The following EEFSEC variants were observed in gnomAD, a reference collection of about 807,000 sequenced individuals.
The protein encoded by EEFSEC is selenocysteine-specific elongation factor.
Under a neutral mutation model 42.1 loss-of-function variants are expected in EEFSEC, and 43 were observed. That is an observed-to-expected ratio of 1.02 (90% CI 0.80 to 1.32). The LOEUF is 1.32. EEFSEC is among the 40% of genes most tolerant of loss of function. EEFSEC has a pLI of 0.00. For missense variants in EEFSEC, 745 were observed against 803.6 expected, an observed-to-expected ratio of 0.93 and a Z score of 0.88; for synonymous variants, 354 against 339.1, an observed-to-expected ratio of 1.04 and a Z score of -0.48.
At chr3:128,363,363 C>T (rs1303016310) in intron 6 of EEFSEC, among the ~76,000 whole-genome samples, 7 of 152,246 alleles carry the variant, frequency 4.6e-5, no homozygotes, top group Non-Finnish European at 4.4e-5. Flanking sequence ...ACCTGAGATT[C>T]GAACCCAGAG....
chr3:128,315,910 G>T (rs1034241676), intron 4 of EEFSEC, among the ~76,000 whole-genome samples: 1 of 152,082 alleles, frequency 6.6e-6, no homozygotes, highest in Non-Finnish European at 1.5e-5. Context: ...GATGCATTCT[G>T]GTACCACTGT....
intron 1 of EEFSEC, among the ~76,000 whole-genome samples, chr3:128,179,400 G>A (rs1261592880): frequency 1.3e-5 from 2 of 152,102 alleles, no homozygotes; most frequent in Admixed American, 6.5e-5. Context: ...GTAGGCATTC[G>A]CATTGGCTAG....
chr3:128,411,073 C>T (rs1193683288), downstream of EEFSEC, among the ~76,000 whole-genome samples: 2 of 152,234 alleles, frequency 1.3e-5, no homozygotes, highest in Non-Finnish European at 2.9e-5. Context: ...GGCCCGGCAT[C>T]GGTGGAAACC....
intron 5 of EEFSEC, among the ~76,000 whole-genome samples, chr3:128,343,942 T>G (rs540300463): frequency 1.3e-5 from 2 of 152,328 alleles, no homozygotes; most frequent in African/African-American, 4.8e-5. Context: ...AGAGACAGGC[T>G]TCCTCCAACC....
At chr3:128,302,280 AATATT>A (rs2066777560) in intron 4 of EEFSEC, among the ~76,000 whole-genome samples, 1 of 152,142 alleles carries the variant, frequency 6.6e-6, no homozygotes, top group Admixed American at 6.5e-5. Flanking sequence ...TATCACTTAT[AATATT>A]AGTGTGCATT....
intron 3 of EEFSEC, among the ~76,000 whole-genome samples, chr3:128,263,419 G>T (rs190796164): frequency 6.6e-6 from 1 of 152,354 alleles, no homozygotes; most frequent in African/African-American, 2.4e-5. Flanking sequence ...TGATTTACAC[G>T]TGCTGATCTT....
Position 128,234,025 on chromosome 3 carries a change from TTTTATTTA to T in EEFSEC, c.317-12786_317-12779del, listed in dbSNP as rs58135764. Among the ~76,000 whole-genome samples the T allele has an allele frequency of 7.9e-3, 1,182 of 148,780 alleles. 20 individuals carry two copies. Among genetic ancestry groups the T allele is most frequent in the South Asian group, 0.076 (355 of 4,678 alleles). ...CCGATTCCCTGACCTGTAGTCATCT[TTTTATTTA>T]TTTATTTATTTATTTATTTATTTAA... On this transcript the variant is annotated intron_variant, in intron 1 of 6. Transcript: ENST00000254730.
the EEFSEC span, among the ~76,000 whole-genome samples, chr3:128,425,257 CAT>C: frequency 6.6e-6 from 1 of 152,328 alleles, no homozygotes; most frequent in South Asian, 2.1e-4. Context: ...TAGAATGTCA[CAT>C]GAGTGGGATC....
Position 128,246,910 on chromosome 3 carries a change from C to G in EEFSEC, c.391C>G (p.Leu131Val). The G allele has an allele frequency of 6.2e-7, 1 of 1,614,196 alleles. No homozygotes were observed. Among genetic ancestry groups the G allele is most frequent in the Non-Finnish European group, 8.5e-7 (1 of 1,180,044 alleles). ...KGMQTQSAEC[L>V]VIGQIACQKL... The stretch of plus-strand genomic sequence containing the variant: ...GATGCAGACCCAGTCAGCGGAATGC[C>G]TTGTGATCGGCCAGATTGCCTGCCA... Residue 131 changes from leucine (L) to valine (V), a missense_variant, in exon 2 of 7, where the codon CTT becomes GTT. Leu to Val is a conservative substitution (Grantham distance 32). Coordinates refer to ENST00000254730, the MANE Select transcript of EEFSEC (RefSeq NM_021937.5).
intron 2 of EEFSEC, among the ~76,000 whole-genome samples, chr3:128,254,785 G>A (rs1167084696): frequency 6.6e-6 from 1 of 152,126 alleles, no homozygotes; most frequent in East Asian, 1.9e-4. Flanking sequence ...GAGTGGGGAG[G>A]GGAGAGGGCC....
chr3:128,422,374 G>A, the EEFSEC span, among the ~76,000 whole-genome samples: 1 of 152,216 alleles, frequency 6.6e-6, no homozygotes, highest in South Asian at 2.1e-4. Context: ...GCTCCCCGGG[G>A]TCAGAGGGAT....
chr3:128,318,217 C>T (rs1228822543), intron 4 of EEFSEC, among the ~76,000 whole-genome samples: 1 of 152,254 alleles, frequency 6.6e-6, no homozygotes, highest in African/African-American at 2.4e-5. Context: ...AGAAAGGGTT[C>T]AGCCAATGCC....
intron 4 of EEFSEC, among the ~76,000 whole-genome samples, chr3:128,287,304 G>A (rs901806142): frequency 6.6e-6 from 1 of 152,116 alleles, no homozygotes; most frequent in Non-Finnish European, 1.5e-5. Flanking sequence ...GGGGGCAGGC[G>A]GGCTTGTGCA....
intron 5 of EEFSEC, among the ~76,000 whole-genome samples, chr3:128,355,725 G>A (rs143429120): frequency 3.1e-4 from 47 of 152,178 alleles, no homozygotes; most frequent in African/African-American, 1.0e-3. Context: ...GATAGTAAGC[G>A]CCTGTTTTAT....
At chr3:128,274,988 G>T (rs1316468625) in intron 4 of EEFSEC, among the ~76,000 whole-genome samples, 1 of 152,212 alleles carries the variant, frequency 6.6e-6, no homozygotes, top group Non-Finnish European at 1.5e-5. Flanking sequence ...AGAAGCAAGG[G>T]GTGAGATGGA....
intron 4 of EEFSEC, among the ~76,000 whole-genome samples, chr3:128,310,556 T>C (rs995768944): frequency 6.6e-6 from 1 of 152,190 alleles, no homozygotes; most frequent in Non-Finnish European, 1.5e-5. Context: ...GTTTTCTTTG[T>C]AGGCACACAA....
intron 4 of EEFSEC, among the ~76,000 whole-genome samples, chr3:128,327,453 A>G (rs552869494): frequency 6.6e-6 from 1 of 152,156 alleles, no homozygotes; most frequent in African/African-American, 2.4e-5. Context: ...TACTTTATAC[A>G]TCTGTCTCCC....
intron 4 of EEFSEC, among the ~76,000 whole-genome samples, chr3:128,289,614 A>G (rs2066621880): frequency 6.6e-6 from 1 of 152,230 alleles, no homozygotes; most frequent in Admixed American, 6.5e-5. Context: ...CCATTTTAAA[A>G]TATAGGCTTG....
chr3:128,223,886 TA>T (rs35277207), intron 1 of EEFSEC, among the ~76,000 whole-genome samples: 107,596 of 151,926 alleles, frequency 0.71, 38,333 homozygotes, highest in East Asian at 0.89. Flanking sequence ...AAAAACGGGA[TA>T]TTTTGTATTT....
Sources: gnomAD v4.1 joint callset for allele counts (sites outside exome capture counted in the v4.1 genomes callset) on GRCh38, gnomAD v4.1.1 for gene constraint, MANE v1.5 for transcripts, NCBI Gene and HGNC (gene_info 2026-07-23, HGNC 2026-07-21) for gene names.